CACNA1C: variants seen among roughly 807,000 people sequenced by gnomAD.
CACNA1C encodes calcium voltage-gated channel subunit alpha1 C, also known as voltage-dependent L-type calcium channel subunit alpha-1C.
Under a neutral mutation model 229.0 loss-of-function variants are expected in CACNA1C, and 30 were observed. The observed-to-expected ratio is 0.13, with a 90% CI of 0.10 to 0.18. CACNA1C has a LOEUF of 0.18. Among genes scored for constraint, CACNA1C ranks in the 10% least tolerant of loss-of-function variants. The pLI is 1.00. For synonymous variants in CACNA1C, 1,114 were observed against 1,132.5 expected (o/e 0.98, Z 0.33); for missense variants, 1,658 against 2,845.0 (o/e 0.58, Z 9.49).
chr12:2,188,743 A>T (rs1222467202), intron 3 of CACNA1C, among the ~76,000 whole-genome samples: 1 of 152,150 alleles, frequency 6.6e-6, no homozygotes, highest in African/African-American at 2.4e-5. Context: ...AGAAATGTGG[A>T]AAATTTCTGA....
At chr12:2,560,246 CCAA>C (rs2046739005) in intron 11 of CACNA1C, among the ~76,000 whole-genome samples, 2 of 152,204 alleles carry the variant, frequency 1.3e-5, no homozygotes, top group Admixed American at 1.3e-4. Flanking sequence ...GAAAATGCCA[CCAA>C]CGTTTTCAAA....
intron 9 of CACNA1C, among the ~76,000 whole-genome samples, chr12:2,525,735 G>A (rs1340642714): frequency 1.3e-5 from 2 of 152,180 alleles, no homozygotes; most frequent in Non-Finnish European, 2.9e-5. Flanking sequence ...CCATCCTTCA[G>A]GATTACTTCA....
In CACNA1C at chr12:2,346,341, T is replaced by C. The variant is rs1351310630; in HGVS notation, c.478-102635T>C. Among the ~76,000 whole-genome samples, 1 of 152,162 alleles carries C rather than the reference T, an allele frequency of 6.6e-6. No homozygotes were observed. Among genetic ancestry groups the C allele is most frequent in the Non-Finnish European group, 1.5e-5 (1 of 68,006 alleles). On this transcript the variant is annotated intron_variant, in intron 3 of 46. Coordinates refer to ENST00000399655, the MANE Select transcript of CACNA1C (RefSeq NM_000719.7). This position sits in a 1 kb window ranked among gnomAD's most constrained non-coding sequence, Gnocchi z 4.4. ...TGTGTGTCTTTGTAATGTGTGTGTG[T>C]GCCTATGTATGTCTCTGTGTTTGTG...
chr12:2,407,181 C>T (rs925489887), intron 3 of CACNA1C, among the ~76,000 whole-genome samples: 5 of 152,252 alleles, frequency 3.3e-5, no homozygotes, highest in Non-Finnish European at 1.5e-5. Flanking sequence ...CTTAGACCTC[C>T]TCTGACACCA....
At chr12:2,572,168 T>G (rs2054863525) in intron 13 of CACNA1C, among the ~76,000 whole-genome samples, 1 of 151,886 alleles carries the variant, frequency 6.6e-6, no homozygotes, top group Admixed American at 6.6e-5. Flanking sequence ...CCTGGAGAGT[T>G]CCATGCTAGT....
chr12:2,256,205 A>G (rs951751443), intron 3 of CACNA1C, among the ~76,000 whole-genome samples: 1 of 152,174 alleles, frequency 6.6e-6, no homozygotes, highest in Non-Finnish European at 1.5e-5. Flanking sequence ...CCTGGAGGCT[A>G]AGCCCAGGAA....
intron 3 of CACNA1C, among the ~76,000 whole-genome samples, chr12:2,301,638 C>T (rs772541734): frequency 1.3e-5 from 2 of 152,194 alleles, no homozygotes; most frequent in African/African-American, 2.4e-5. Context: ...GTCTTGACCA[C>T]AGTACCCTTC....
chr12:2,618,018 G>C (rs959040460), intron 29 of CACNA1C, among the ~76,000 whole-genome samples: 1 of 152,196 alleles, frequency 6.6e-6, no homozygotes, highest in Admixed American at 6.5e-5. Context: ...AGCCAGCTTG[G>C]GGTTCTCCAG....
intron 3 of CACNA1C, among the ~76,000 whole-genome samples, chr12:2,428,704 T>A (rs1166980755): frequency 2.0e-5 from 3 of 152,200 alleles, no homozygotes; most frequent in Non-Finnish European, 4.4e-5. Flanking sequence ...GATGTCCTCC[T>A]GGTTGGCTGG....
chr12:2,690,902 C>A lies in CACNA1C; in HGVS notation c.6120C>A (p.Val2040=). The stretch of plus-strand genomic sequence containing the variant: ...TGGCTCCCACCCCGCTCCTTCAGGT[C>A]TTGATTTCAGAAGGACTGGGGCAGT... ...HGSASSLVEA[V]LISEGLGQFA... is the part of the protein sequence containing the mutation. Residue 2040 remains valine, a splice_region_variant and synonymous_variant, in exon 47 of 47, where the codon GTC becomes GTA. Coordinates refer to ENST00000399655, the MANE Select transcript of CACNA1C (RefSeq NM_000719.7). 6.4e-7 allele frequency: 1 copy of A among 1,568,058 alleles called. No individual in the cohort carries two copies. The highest frequency in any genetic ancestry group is 8.7e-7 in the Non-Finnish European group (1 of 1,152,910).
intron 3 of CACNA1C, among the ~76,000 whole-genome samples, chr12:2,329,850 C>T (rs1390575216): frequency 6.6e-6 from 1 of 152,214 alleles, no homozygotes; most frequent in Non-Finnish European, 1.5e-5. Flanking sequence ...AAGGGCCGTG[C>T]TGCAGAATGG....
chr12:2,253,010 G>A (rs748922258), intron 3 of CACNA1C, among the ~76,000 whole-genome samples: 24 of 152,192 alleles, frequency 1.6e-4, no homozygotes, highest in Admixed American at 6.5e-4. Flanking sequence ...TCATGTTCCC[G>A]GAAGGGAAGG....
At chr12:2,305,640 T>TA (rs1385965059) in intron 3 of CACNA1C, among the ~76,000 whole-genome samples, 3 of 152,130 alleles carry the variant, frequency 2.0e-5, no homozygotes, top group African/African-American at 7.2e-5. Flanking sequence ...GAACAGGAAT[T>TA]AGAGACCAGC....
chr12:2,204,079 G>T (rs1352794961), intron 3 of CACNA1C, among the ~76,000 whole-genome samples: 1 of 152,144 alleles, frequency 6.6e-6, no homozygotes, highest in Non-Finnish European at 1.5e-5. Flanking sequence ...CAGTGTAAAA[G>T]TGTTCCTATT....
At chr12:2,641,878 T>A in intron 30 of CACNA1C, 1 of 671,174 alleles carries the variant, frequency 1.5e-6, no homozygotes, top group Non-Finnish European at 2.7e-6. Flanking sequence ...CTTGAGAGAG[T>A]TAGCAGAGCC....
Position 2,641,330 on chromosome 12 carries a change from A to C in CACNA1C, c.3912+6950A>C, listed in dbSNP as rs2093668019. On this transcript the variant is annotated intron_variant, in intron 30 of 46. Coordinates refer to ENST00000399655, the MANE Select transcript of CACNA1C (RefSeq NM_000719.7). ...TTGCTCATTTTCACAGGTTTTTCACAGCAAGCTGACCGGAACTCCCGGTCA... is the reference window on the plus strand; with the variant it reads ...TTGCTCATTTTCACAGGTTTTTCACCGCAAGCTGACCGGAACTCCCGGTCA... 1.7e-5 allele frequency: 3 copies of C among 175,576 alleles called. No individual in the cohort carries two copies. The East Asian group carries it at 4.6e-4, about 27-fold the overall frequency. 10.9% of individuals were successfully genotyped at this position (175,576 alleles called of 1,614,324 possible). A position where few individuals can be genotyped will look rare whatever the true frequency, so the allele number is the denominator to read the frequency against.
intron 2 of CACNA1C, among the ~76,000 whole-genome samples, chr12:2,116,134 A>G: frequency 6.6e-6 from 1 of 152,162 alleles, no homozygotes; most frequent in East Asian, 1.9e-4. Flanking sequence ...ACTACAGACC[A>G]CTCAGTTCCA....
intron 1 of CACNA1C, among the ~76,000 whole-genome samples, chr12:2,063,214 C>G: frequency 6.6e-6 from 1 of 150,398 alleles, no homozygotes; most frequent in Non-Finnish European, 1.5e-5. Context: ...TGCAGTGGTA[C>G]GATCTCGTCT....
At chr12:2,328,731 A>G (rs1362147483) in intron 3 of CACNA1C, among the ~76,000 whole-genome samples, 1 of 152,192 alleles carries the variant, frequency 6.6e-6, no homozygotes, top group Admixed American at 6.5e-5. Context: ...GCAATTAGAC[A>G]AGGATGTCTA....
Sources: allele counts gnomAD v4.1 joint callset (sites outside exome capture counted in the v4.1 genomes callset), GRCh38; gene constraint gnomAD v4.1.1; non-coding constraint Gnocchi (gnomAD v3.1); transcripts MANE v1.5; gene names NCBI Gene and HGNC (gene_info 2026-07-23, HGNC 2026-07-21).